The following DRC1 variants were observed in gnomAD, a reference collection of about 807,000 sequenced individuals.
The protein encoded by DRC1 is dynein regulatory complex subunit 1.
DRC1 carries 74 observed loss-of-function variants against 98.7 expected under a neutral mutation model. The observed-to-expected ratio is 0.75, with a 90% CI of 0.62 to 0.91. DRC1 has a LOEUF of 0.91. Among genes scored for constraint, DRC1 ranks in the 40% least tolerant of loss-of-function variants. The probability of loss-of-function intolerance (pLI) is 0.00; values close to 1 mark genes in which losing one functional copy is unlikely to be tolerated. For missense variants in DRC1, 875 were observed against 886.0 expected, an observed-to-expected ratio of 0.99 and a Z score of 0.16; for synonymous variants, 336 against 334.1, an observed-to-expected ratio of 1.01 and a Z score of -0.06.
At chr2:26,415,667 C>T (rs183052570) in intron 2 of DRC1, among the ~76,000 whole-genome samples, 47 of 152,266 alleles carry the variant, frequency 3.1e-4, no homozygotes, top group Non-Finnish European at 8.8e-5. Flanking sequence ...CGCGGTGGCT[C>T]ACGTCTATGA....
In DRC1 at chr2:26,430,707, T is replaced by A. The variant is rs528760487; in HGVS notation, c.679-79T>A. 23 of 1,440,902 alleles carry A rather than the reference T, an allele frequency of 1.6e-5. No individual in the cohort carries two copies. In the African/African-American group the frequency reaches 3.1e-4, roughly 19 times the overall value. The allele number at this position is 1,440,902 out of a possible 1,614,324, so 89.3% of individuals were successfully genotyped here. A position where few individuals can be genotyped will look rare whatever the true frequency, so the allele number is the denominator to read the frequency against. ...GTGGTTGGTGATATGGCACTTATAG[T>A]TACCTGAAAGTTCTTTGACACTGGT... On this transcript the variant is annotated intron_variant, in intron 5 of 16. Transcript: ENST00000288710.
chr2:26,456,530 A>C lies in DRC1; in HGVS notation c.*13A>C. On this transcript the variant is annotated 3_prime_UTR_variant, in exon 17 of 17. Transcript: ENST00000288710. ...ACCCACAAAATGAGCTGGACCGCCA[A>C]AGGCTGATGTGTTAGGGCTGGCCTG... 6.2e-7 allele frequency: 1 copy of C among 1,614,094 alleles called. No individual in the cohort carries two copies. The highest frequency in any genetic ancestry group is 8.5e-7 in the Non-Finnish European group (1 of 1,179,950).
chr2:26,438,016 C>A (rs763641934), intron 7 of DRC1, among the ~76,000 whole-genome samples: 1 of 144,400 alleles, frequency 6.9e-6, no homozygotes, highest in African/African-American at 2.6e-5. Context: ...CATTTGAACC[C>A]GGGAAGTGGA....
chr2:26,453,468 C>G lies in DRC1; in HGVS notation c.1838C>G (p.Thr613Ser). The change falls in exon 14 of 17, where the codon ACC becomes AGC. Residue 613 changes from threonine to serine, a missense_variant. Physicochemically the swap from Thr to Ser is moderately conservative, Grantham distance 58 (BLOSUM62 1). Transcript: ENST00000288710. The part of the protein sequence containing the change: ...VEGEKEEEEE[T>S]PPSPWVIHPN... Reference sequence around the variant, plus strand: ...GGGGAGAAGGAGGAAGAGGAGGAGACCCCACCCTCCCCCTGGGTCATCCAC... The same window carrying G: ...GGGGAGAAGGAGGAAGAGGAGGAGAGCCCACCCTCCCCCTGGGTCATCCAC... 6.2e-7 allele frequency: 1 copy of G among 1,614,022 alleles called. No homozygotes were observed. Among genetic ancestry groups the G allele is most frequent in the Non-Finnish European group, 8.5e-7 (1 of 1,179,984 alleles).
At chr2:26,412,929 C>T (rs1241102707) in intron 1 of DRC1, among the ~76,000 whole-genome samples, 1 of 152,034 alleles carries the variant, frequency 6.6e-6, no homozygotes, top group Non-Finnish European at 1.5e-5. Flanking sequence ...ACTACAGGCG[C>T]CCACCACCAC....
chr2:26,422,300 T>C (rs976683763), intron 3 of DRC1, among the ~76,000 whole-genome samples: 28 of 152,248 alleles, frequency 1.8e-4, no homozygotes, highest in African/African-American at 6.3e-4. Context: ...TGGGTTTCAA[T>C]TGGTGAGAAT....
At chr2:26,418,596 T>A (rs6734307) in intron 2 of DRC1, among the ~76,000 whole-genome samples, 6,123 of 94,890 alleles carry the variant, frequency 0.065, 372 homozygotes, top group African/African-American at 0.17. Context: ...TATATATAAT[T>A]TATATAATAT....
At chr2:26,410,857 C>G (rs1351322615) in intron 1 of DRC1, among the ~76,000 whole-genome samples, 1 of 150,664 alleles carries the variant, frequency 6.6e-6, no homozygotes, top group African/African-American at 2.5e-5. Flanking sequence ...AAAACATGGT[C>G]ACATATAAAA....
chr2:26,410,821 A>AC (rs1678583323), intron 1 of DRC1, among the ~76,000 whole-genome samples: 1 of 149,150 alleles, frequency 6.7e-6, no homozygotes, highest in African/African-American at 2.6e-5. Flanking sequence ...GAAACAAAAC[A>AC]AAACACAACA....
At chr2:26,422,391 G>T (rs1201791806) in intron 3 of DRC1, among the ~76,000 whole-genome samples, 1 of 152,210 alleles carries the variant, frequency 6.6e-6, no homozygotes, top group African/African-American at 2.4e-5. Context: ...ATGCATAGAA[G>T]GATGGAGGTT....
At position 26,454,234 on chromosome 2, in the gene DRC1, C is replaced by A. The variant is rs949469252; in HGVS notation, c.1920-413C>A. On this transcript the variant is annotated intron_variant, in intron 14 of 16. Transcript: ENST00000288710. The surrounding 1 kb of genome is among the most constrained non-coding windows in gnomAD (Gnocchi z 5.2). ...TTGTGGCGTCAGGGAAGGGGCGAAG[C>A]TGGATACAGGGAAAGCATCAGGAGG... Among the ~76,000 whole-genome samples the A allele has an allele frequency of 1.1e-4, 17 of 152,252 alleles. No homozygotes were observed. In the East Asian group the frequency reaches 3.3e-3, roughly 29 times the overall value.
rs115095929 is a variant in DRC1, at chr2:26,455,214, A to C, written c.2147A>C (p.Gln716Pro). The C allele has an allele frequency of 0.012, 19,560 of 1,613,754 alleles. 808 individuals are homozygous for C. Among genetic ancestry groups the C allele is most frequent in the Admixed American group, 0.11 (6,337 of 60,018 alleles). ...AACACAGAGCTGCAGGCGCTACTGCAGCAGTATCTGAACTCCAAGGTGGGC... is the reference window on the plus strand; with the variant it reads ...AACACAGAGCTGCAGGCGCTACTGCCGCAGTATCTGAACTCCAAGGTGGGC... The part of the protein sequence containing the change: ...QQNTELQALL[Q>P]QYLNSKINSE... Residue 716 changes from glutamine to proline, a missense_variant, in exon 16 of 17, where the codon CAG (glutamine) becomes CCG (proline). Coordinates refer to ENST00000288710, the MANE Select transcript of DRC1 (RefSeq NM_145038.5).
rs535392898 is a variant in DRC1 at position 26,402,167 on chromosome 2, C to A, written c.155+23C>A. 450 of 1,555,538 alleles carry A rather than the reference C, an allele frequency of 2.9e-4. 3 individuals carry two copies. In the South Asian group the frequency reaches 5.0e-3, roughly 17 times the overall value. On this transcript the variant is annotated intron_variant, in intron 1 of 16. Transcript: ENST00000288710. ...GCGGTGAGCGCGGGGGCGGGCGGGGCGGGATCCGCGCCGCAGGAGCCGGAG... is the reference window on the plus strand; with the variant it reads ...GCGGTGAGCGCGGGGGCGGGCGGGGAGGGATCCGCGCCGCAGGAGCCGGAG...
At chr2:26,419,878 C>T (rs1663080006) in intron 2 of DRC1, among the ~76,000 whole-genome samples, 2 of 152,188 alleles carry the variant, frequency 1.3e-5, no homozygotes, top group Admixed American at 1.3e-4. Flanking sequence ...GCACCAATTA[C>T]AAAATCCCTG....
chr2:26,402,362 G>A (rs2147972607), intron 1 of DRC1, among the ~76,000 whole-genome samples: 1 of 152,312 alleles, frequency 6.6e-6, no homozygotes, highest in South Asian at 2.1e-4. Flanking sequence ...GGTCAACCTG[G>A]GCAGCATAGA....
In DRC1 at chr2:26,402,072, A is replaced by C. The variant is rs771532771; in HGVS notation, c.83A>C (p.His28Pro). The C allele has an allele frequency of 3.7e-6, 6 of 1,612,922 alleles. No individual in the cohort carries two copies. Among genetic ancestry groups the C allele is most frequent in the Non-Finnish European group, 4.2e-6 (5 of 1,179,792 alleles). Reference sequence around the variant, plus strand: ...ACCCAGATTCTCGCGCCCTCGGTCCACTCCGACAACTCTCAGGAGCGCATC... The same window carrying C: ...ACCCAGATTCTCGCGCCCTCGGTCCCCTCCGACAACTCTCAGGAGCGCATC... ...LSTQILAPSV[H>P]SDNSQERIQA... Residue 28 changes from histidine to proline, a missense_variant, in exon 1 of 17, where the codon CAC (histidine) becomes CCC (proline). His to Pro is a moderately conservative substitution (Grantham distance 77). Transcript: ENST00000288710.
Position 26,451,982 on chromosome 2 carries a change from G to A in DRC1, c.1689+1301G>A, listed in dbSNP as rs144577259. 3.3e-3 allele frequency among the ~76,000 whole-genome samples: 497 copies of A among 152,180 alleles called. 10 individuals are homozygous for A. The highest frequency in any genetic ancestry group is 0.024 in the Admixed American group (364 of 15,284). ...ATATGAATGAACAACTCCTAGAAGA[G>A]GCAATACAGGTAACTCTTAAACATA... On this transcript the variant is annotated intron_variant, in intron 13 of 16. Coordinates refer to ENST00000288710, the MANE Select transcript of DRC1 (RefSeq NM_145038.5).
intron 6 of DRC1, 84 bp downstream of exon 6, chr2:26,430,956 A>ATATTT: frequency 3.5e-6 from 2 of 572,468 alleles, no homozygotes; most frequent in Non-Finnish European, 5.0e-6. Flanking sequence ...GCCTTTTTCT[A>ATATTT]TCTTTTTTTT....
At chr2:26,412,532 C>G (rs933124288) in intron 1 of DRC1, among the ~76,000 whole-genome samples, 1 of 152,158 alleles carries the variant, frequency 6.6e-6, no homozygotes, top group Non-Finnish European at 1.5e-5. Flanking sequence ...GTCACTCCCC[C>G]ATGCCTCCCC....
Sources: allele counts gnomAD v4.1 joint callset (sites outside exome capture counted in the v4.1 genomes callset), GRCh38; gene constraint gnomAD v4.1.1; non-coding constraint Gnocchi (gnomAD v3.1); transcripts MANE v1.5; gene names NCBI Gene and HGNC (gene_info 2026-07-23, HGNC 2026-07-21).